Variants in MYO5A observed in about 807,000 individuals in gnomAD.
MYO5A encodes the protein unconventional myosin-Va.
Under a neutral mutation model 249.7 loss-of-function variants are expected in MYO5A, and 98 were observed. That is an observed-to-expected ratio of 0.39 (90% CI 0.33 to 0.46). The LOEUF is 0.46. Ranked by LOEUF, MYO5A falls within the 20% of genes least tolerant of loss-of-function variation. The pLI is 0.98. For missense variants in MYO5A, 1,696 were observed against 2,308.8 expected (o/e 0.73, Z 5.44); for synonymous variants, 778 against 810.6 (o/e 0.96, Z 0.68).
chr15:52,467,267 CTAATA>C, intron 1 of MYO5A, among the ~76,000 whole-genome samples: 1 of 151,960 alleles, frequency 6.6e-6, no homozygotes, highest in East Asian at 1.9e-4. Flanking sequence ...AATCTGCAAA[CTAATA>C]TAAAGAAAAT....
chr15:52,384,386 A>G (rs1163184011), intron 14 of MYO5A, 64 bp from the exon 15 acceptor site: 3 of 1,489,032 alleles, frequency 2.0e-6, no homozygotes, highest in Non-Finnish European at 1.9e-6. Flanking sequence ...ACCTTCACAA[A>G]AGAAATATTA....
intron 1 of MYO5A, among the ~76,000 whole-genome samples, chr15:52,474,884 G>A (rs931779261): frequency 1.3e-5 from 2 of 152,178 alleles, no homozygotes; most frequent in African/African-American, 4.8e-5. Flanking sequence ...TTTGGTATCA[G>A]GATGATGCTG....
chr15:52,314,679 TA>T (rs2037908897), intron 40 of MYO5A, among the ~76,000 whole-genome samples: 2 of 151,420 alleles, frequency 1.3e-5, no homozygotes, highest in Admixed American at 1.3e-4. Flanking sequence ...GAATGTTTTT[TA>T]AATCATATTT....
At chr15:52,444,790 A>G (rs929063800) in intron 1 of MYO5A, among the ~76,000 whole-genome samples, 1 of 152,222 alleles carries the variant, frequency 6.6e-6, no homozygotes, top group Non-Finnish European at 1.5e-5. Context: ...CACATAGACT[A>G]TCTATCACCC....
intron 1 of MYO5A, among the ~76,000 whole-genome samples, chr15:52,463,013 T>A (rs1449571065): frequency 6.6e-6 from 1 of 152,160 alleles, no homozygotes; most frequent in Non-Finnish European, 1.5e-5. Flanking sequence ...GTTCTCAGTA[T>A]GACTGAGAGA....
intron 1 of MYO5A, among the ~76,000 whole-genome samples, chr15:52,457,753 T>C (rs1183404319): frequency 2.6e-5 from 4 of 152,154 alleles, no homozygotes; most frequent in African/African-American, 9.7e-5. Context: ...GTAATCCCAC[T>C]TCTGGGTATT....
intron 20 of MYO5A, among the ~76,000 whole-genome samples, chr15:52,374,517 T>C (rs2041297931): frequency 6.6e-6 from 1 of 152,226 alleles, no homozygotes; most frequent in Admixed American, 6.5e-5. Flanking sequence ...GGTCTTCAGA[T>C]GGGAGGATTA....
rs927612995 is a variant in MYO5A, at chr15:52,516,419, T to TA, written c.27+12360dup. Among the ~76,000 whole-genome samples the TA allele has an allele frequency of 6.2e-4, 94 of 152,096 alleles. 3 individuals carry two copies. Among genetic ancestry groups the TA allele is most frequent in the Admixed American group, 5.4e-3 (82 of 15,262 alleles). ...AAAACAAGTAACAACTATATAAGGT[T>TA]AAAAAAAATCAAGGTTTTAGTGGAG... On this transcript the variant is annotated intron_variant, in intron 1 of 41. Coordinates refer to ENST00000399233, the MANE Select transcript of MYO5A (RefSeq NM_001382347.1).
chr15:52,477,682 G>A (rs1296296307), intron 1 of MYO5A, among the ~76,000 whole-genome samples: 1 of 152,198 alleles, frequency 6.6e-6, no homozygotes, highest in Non-Finnish European at 1.5e-5. Context: ...GTCCACTCCA[G>A]ACCCTGTTTG....
intron 16 of MYO5A, among the ~76,000 whole-genome samples, chr15:52,380,748 C>A (rs907766470): frequency 6.6e-6 from 1 of 152,186 alleles, no homozygotes; most frequent in African/African-American, 2.4e-5. Context: ...GCCTGGGTGA[C>A]AGGGCGAGAC....
At chr15:52,450,562 G>A (rs1462783320) in intron 1 of MYO5A, among the ~76,000 whole-genome samples, 2 of 151,476 alleles carry the variant, frequency 1.3e-5, no homozygotes, top group African/African-American at 4.9e-5. Flanking sequence ...CCAGCTACTC[G>A]GTAGGCTGAG....
rs77712563 is a variant in MYO5A at position 52,415,519 on chromosome 15, C to T, written c.612+626G>A. Among the ~76,000 whole-genome samples, 69 of 152,228 alleles carry T rather than the reference C, an allele frequency of 4.5e-4. 4 individuals are homozygous for T. The East Asian group carries it at 0.013, about 29-fold the overall frequency. On this transcript the variant is annotated intron_variant, in intron 5 of 41. Transcript: ENST00000399233. ...TAGTTCTTCCCCTGTCAAAACCTTA[C>T]AGTTACTGTCTTTTATGAACCTATA... is the stretch of plus-strand genomic sequence containing the variant.
At chr15:52,515,431 A>G (rs1033996658) in intron 1 of MYO5A, among the ~76,000 whole-genome samples, 1 of 152,170 alleles carries the variant, frequency 6.6e-6, no homozygotes, top group East Asian at 1.9e-4. Flanking sequence ...GGGTTACTGG[A>G]GGGATACTGA....
intron 1 of MYO5A, among the ~76,000 whole-genome samples, chr15:52,485,801 C>G (rs1259299869): frequency 1.3e-5 from 2 of 152,122 alleles, no homozygotes; most frequent in Admixed American, 1.3e-4. Flanking sequence ...TAGTAATATG[C>G]TAAATAATTA....
intron 1 of MYO5A, among the ~76,000 whole-genome samples, chr15:52,493,700 A>G (rs2076981074): frequency 6.6e-6 from 1 of 152,066 alleles, no homozygotes. Context: ...TAGCACTGAT[A>G]CTTGCTTATA....
chr15:52,466,893 C>T (rs935558414), intron 1 of MYO5A, among the ~76,000 whole-genome samples: 1 of 152,238 alleles, frequency 6.6e-6, no homozygotes, highest in African/African-American at 2.4e-5. Flanking sequence ...CTCACAACTA[C>T]TGCCCCTATC....
At chr15:52,343,475 A>G (rs1423501893) in intron 30 of MYO5A, among the ~76,000 whole-genome samples, 1 of 152,202 alleles carries the variant, frequency 6.6e-6, no homozygotes, top group Non-Finnish European at 1.5e-5. Context: ...GAAGGTGAGA[A>G]AGAGGTTCTG....
At chr15:52,482,269 T>C (rs2076730496) in intron 1 of MYO5A, among the ~76,000 whole-genome samples, 1 of 152,210 alleles carries the variant, frequency 6.6e-6, no homozygotes, top group African/African-American at 2.4e-5. Context: ...TATCTGTGAC[T>C]CTACCTGACC....
At chr15:52,459,147 A>ATTTTTTTTTTTTTTTTTTTTTT (rs531798708) in intron 1 of MYO5A, among the ~76,000 whole-genome samples, 11 of 64,290 alleles carry the variant, frequency 1.7e-4, no homozygotes, top group East Asian at 1.1e-3. Flanking sequence ...TTTTCCAGAA[A>ATTTTTTTTTTTTTTTTTTTTTT]TTTTTTTTTT....
Sources: allele counts gnomAD v4.1 joint callset (sites outside exome capture counted in the v4.1 genomes callset), GRCh38; gene constraint gnomAD v4.1.1; transcripts MANE v1.5; gene names NCBI Gene and HGNC (gene_info 2026-07-23, HGNC 2026-07-21).